Variants in ZNF782 observed in about 807,000 individuals in gnomAD.
The protein encoded by ZNF782 is zinc finger protein 782.
ZNF782 carries 12 observed loss-of-function variants against 13.0 expected under a neutral mutation model. The observed-to-expected ratio is 0.92, with a 90% CI of 0.59 to 1.50. ZNF782 has a LOEUF of 1.50. ZNF782 is among the 40% of genes most tolerant of loss of function. The probability of loss-of-function intolerance (pLI) is 0.00; values close to 1 mark genes in which losing one functional copy is unlikely to be tolerated. For missense variants in ZNF782, 770 were observed against 822.9 expected, an observed-to-expected ratio of 0.94 and a Z score of 0.79; for synonymous variants, 284 against 283.0, an observed-to-expected ratio of 1.00 and a Z score of -0.04.
intron 4 of ZNF782, among the ~76,000 whole-genome samples, chr9:96,837,457 T>C (rs1261905918): frequency 6.6e-6 from 1 of 152,206 alleles, no homozygotes; most frequent in Non-Finnish European, 1.5e-5. Context: ...TAAAAGTTTA[T>C]CAATTTTGTT....
Position 96,819,387 on chromosome 9 carries a change from C to A in ZNF782, c.636G>T (p.Gly212=). ...TACTTTCATTATATTCAAAATCTTGCCCCAGAGTCTGAATTGTCTGATGTT... is the reference window on the plus strand; with the variant it reads ...TACTTTCATTATATTCAAAATCTTGACCCAGAGTCTGAATTGTCTGATGTT... ...VIQHQTIQTL[G]QDFEYNESRK... The change falls in exon 6 of 6, where the codon GGG becomes GGT. Residue 212 remains glycine, a synonymous_variant. Transcript: ENST00000481138. The A allele has an allele frequency of 6.2e-7, 1 of 1,604,526 alleles. No homozygotes were observed. Among genetic ancestry groups the A allele is most frequent in the Non-Finnish European group, 8.5e-7 (1 of 1,176,632 alleles).
rs1358137490 is a variant in ZNF782 at position 96,818,595 on chromosome 9, T to C, written c.1428A>G (p.Lys476=). The change falls in exon 6 of 6, where the codon AAA becomes AAG. Residue 476 remains lysine (K), a synonymous_variant. Coordinates refer to ENST00000481138, the MANE Select transcript of ZNF782 (RefSeq NM_001001662.3). ...IVHQRTHTGE[K]PFECNECGKS... ...TCCCGCATTCATTACATTCAAAAGGTTTCTCCCCTGTGTGAGTTCTCTGAT... is the reference window on the plus strand; with the variant it reads ...TCCCGCATTCATTACATTCAAAAGGCTTCTCCCCTGTGTGAGTTCTCTGAT... The C allele has an allele frequency of 1.2e-6, 2 of 1,613,552 alleles. No homozygotes were observed. The highest frequency in any genetic ancestry group is 1.1e-5 in the South Asian group (1 of 91,038).
At chr9:96,875,389 C>G in intron 1 of ZNF782, 1 of 437,866 alleles carries the variant, frequency 2.3e-6, no homozygotes, top group Non-Finnish European at 4.6e-6. Flanking sequence ...TTCAAAACAA[C>G]GCCATGAAGC....
intron 4 of ZNF782, among the ~76,000 whole-genome samples, chr9:96,843,625 T>C (rs2118712533): frequency 6.6e-6 from 1 of 152,288 alleles, no homozygotes; most frequent in East Asian, 1.9e-4. Flanking sequence ...AATCTCCACA[T>C]GTGATAAAAT....
At chr9:96,835,159 G>C (rs370864845) in intron 4 of ZNF782, among the ~76,000 whole-genome samples, 2 of 152,330 alleles carry the variant, frequency 1.3e-5, no homozygotes, top group African/African-American at 4.8e-5. Context: ...TGGTGAACTA[G>C]TATAACTGGT....
At chr9:96,912,197 C>G in the ZNF782 span, among the ~76,000 whole-genome samples, 1 of 100,104 alleles carries the variant, frequency 1.0e-5, no homozygotes, top group African/African-American at 4.2e-5. Flanking sequence ...AACTCCGTCT[C>G]GAAAAAAAAA....
At chr9:96,843,384 T>C (rs191191408) in intron 4 of ZNF782, among the ~76,000 whole-genome samples, 10 of 152,268 alleles carry the variant, frequency 6.6e-5, no homozygotes, top group Non-Finnish European at 1.0e-4. Flanking sequence ...ACAACTTGGA[T>C]CTCAAGAGCA....
At chr9:96,910,885 C>T in the ZNF782 span, among the ~76,000 whole-genome samples, 2 of 150,522 alleles carry the variant, frequency 1.3e-5, no homozygotes, top group South Asian at 2.1e-4. Flanking sequence ...ATCCACCCAC[C>T]TCGGCCTCCC....
chr9:96,871,624 T>C (rs757745331), intron 1 of ZNF782, among the ~76,000 whole-genome samples: 4 of 152,200 alleles, frequency 2.6e-5, no homozygotes, highest in Non-Finnish European at 4.4e-5. Context: ...ACTTGAGGCC[T>C]AGCATTGGAG....
At chr9:96,875,574 C>A (rs1240567208) in exon 1 of ZNF782, 1 of 456,728 alleles carries the variant, frequency 2.2e-6, no homozygotes, top group South Asian at 1.5e-5. Context: ...CGTTTATAAA[C>A]GGGCTCTCCT....
At chr9:96,914,334 C>G in the ZNF782 span, among the ~76,000 whole-genome samples, 4 of 150,898 alleles carry the variant, frequency 2.7e-5, no homozygotes, top group South Asian at 4.2e-4. Context: ...GTTGGCCAGG[C>G]TGGTGTCCAA....
At chr9:96,880,587 ATTGG>A (rs1199040689), upstream of ZNF782, among the ~76,000 whole-genome samples, 5 of 152,306 alleles carry the variant, frequency 3.3e-5, no homozygotes, top group Admixed American at 2.0e-4. Flanking sequence ...TGCAGATAAC[ATTGG>A]TTGATTTTCA....
At position 96,854,366 on chromosome 9, in the gene ZNF782, C is replaced by T. The variant is rs998531719; in HGVS notation, c.-540G>A. ...TCCACTGACACAGGGGGCGGGGATCCCACAAACTTCCCGCTTCCTCTCCCG... is the reference window on the plus strand; with the variant it reads ...TCCACTGACACAGGGGGCGGGGATCTCACAAACTTCCCGCTTCCTCTCCCG... On this transcript the variant is annotated 5_prime_UTR_variant, in exon 1 of 6. Transcript: ENST00000481138. 3 of 152,256 alleles carry T rather than the reference C, an allele frequency of 2.0e-5. No homozygotes were observed. The highest frequency in any genetic ancestry group is 7.2e-5 in the African/African-American group (3 of 41,442). The allele number at this position is 152,256 out of a possible 1,614,324, so 9.4% of individuals were successfully genotyped here. A position where few individuals can be genotyped will look rare whatever the true frequency, so the allele number is the denominator to read the frequency against.
chr9:96,879,943 T>TC (rs1345072293), upstream of ZNF782, among the ~76,000 whole-genome samples: 1 of 152,234 alleles, frequency 6.6e-6, no homozygotes, highest in African/African-American at 2.4e-5. Context: ...AAGGATAGAC[T>TC]TATTTTTTCC....
rs1850342508 is a variant in ZNF782 at position 96,819,700 on chromosome 9, T to C, written c.323A>G (p.Asn108Ser). The change falls in exon 6 of 6, where the codon AAT (asparagine) becomes AGT (serine). Residue 108 changes from asparagine to serine, a missense_variant. By Grantham distance (46) the Asn-to-Ser change is conservative. Coordinates refer to ENST00000481138, the MANE Select transcript of ZNF782 (RefSeq NM_001001662.3). Reference protein sequence around the residue: ...GKHLLQVLFTNKLLTTEQEIS... With the variant: ...GKHLLQVLFTSKLLTTEQEIS... Reference sequence around the variant, plus strand: ...TTCTTGCTCTGTAGTCAATAATTTATTGGTGAATAAAACTTGCAACAAATG... The same window carrying C: ...TTCTTGCTCTGTAGTCAATAATTTACTGGTGAATAAAACTTGCAACAAATG... 6.2e-7 allele frequency: 1 copy of C among 1,613,372 alleles called. No homozygotes were observed. The highest frequency in any genetic ancestry group is 8.5e-7 in the Non-Finnish European group (1 of 1,179,914).
At chr9:96,887,640 C>G in the ZNF782 span, 4 of 152,236 alleles carry the variant, frequency 2.6e-5, no homozygotes, top group African/African-American at 9.6e-5. Flanking sequence ...ACTAGAAACA[C>G]CATTTGACCC....
At chr9:96,910,011 G>C in the ZNF782 span, 1 of 529,220 alleles carries the variant, frequency 1.9e-6, no homozygotes, top group Non-Finnish European at 3.6e-6. Context: ...CAGCTTTATC[G>C]CCAGAGTCCC....
the ZNF782 span, among the ~76,000 whole-genome samples, chr9:96,927,404 G>A: frequency 5.9e-5 from 9 of 151,600 alleles, no homozygotes; most frequent in Non-Finnish European, 7.3e-5. Context: ...AAAACTGTGC[G>A]TACTGCCACT....
the ZNF782 span, among the ~76,000 whole-genome samples, chr9:96,925,721 C>G: frequency 6.7e-6 from 1 of 149,452 alleles, no homozygotes; most frequent in African/African-American, 2.5e-5. Flanking sequence ...CAGATCCTTT[C>G]TGCTCATTTG....
Sources: gnomAD v4.1 joint callset for allele counts (sites outside exome capture counted in the v4.1 genomes callset) on GRCh38, gnomAD v4.1.1 for gene constraint, MANE v1.5 for transcripts, NCBI Gene and HGNC (gene_info 2026-07-23, HGNC 2026-07-21) for gene names.